The following TTC3 variants were observed in gnomAD, a reference collection of about 807,000 sequenced individuals.
The protein encoded by TTC3 is tetratricopeptide repeat domain 3.
In TTC3, 180 loss-of-function variants were observed where a neutral mutation model predicts 249.6. That is an observed-to-expected ratio of 0.72 (90% CI 0.64 to 0.82). The LOEUF (loss-of-function observed/expected upper bound fraction) is 0.82, where lower values mean the gene tolerates loss of function less well. TTC3 is among the 40% of genes least tolerant of loss of function. TTC3 has a pLI of 0.00. For synonymous variants in TTC3, 717 were observed against 805.0 expected (o/e 0.89, Z 1.85); for missense variants, 2,061 against 2,398.4 (o/e 0.86, Z 2.94).
intron 27 of TTC3, among the ~76,000 whole-genome samples, chr21:37,155,472 T>A (rs1028426330): frequency 6.6e-5 from 10 of 152,216 alleles, no homozygotes; most frequent in African/African-American, 1.2e-4. Flanking sequence ...TGTGTGAGTA[T>A]TCTACATGGT....
At chr21:37,154,156 A>G in intron 27 of TTC3, among the ~76,000 whole-genome samples, 1 of 152,246 alleles carries the variant, frequency 6.6e-6, no homozygotes, top group East Asian at 1.9e-4. Context: ...CAACTGGCCT[A>G]GCACAATAGT....
intron 44 of TTC3, among the ~76,000 whole-genome samples, chr21:37,199,439 G>A (rs140611423): frequency 0.01 from 1,560 of 152,304 alleles, 15 homozygotes; most frequent in East Asian, 0.03. Context: ...AGTCCCAGGC[G>A]ACACTCAGGT....
intron 7 of TTC3, 91 bp downstream of exon 7, chr21:37,091,504 C>T (rs2073257725): frequency 8.6e-7 from 1 of 1,164,390 alleles, no homozygotes; most frequent in Middle Eastern, 2.1e-4. Context: ...TCTGATTTAT[C>T]TTAGAATTTA....
rs541779892 is a variant in TTC3 at position 37,123,994 on chromosome 21, T to C, written c.1110-625T>C. Among the ~76,000 whole-genome samples, 223 of 151,796 alleles carry C rather than the reference T, an allele frequency of 1.5e-3. 2 individuals are homozygous for C. The highest frequency in any genetic ancestry group is 4.9e-3 in the African/African-American group (204 of 41,386). ...AAACTCCTGACCTCAAGTGATCCGC[T>C]CGCCTTGGCCTCCCAAAGTGCTGAG... is the stretch of plus-strand genomic sequence containing the variant. On this transcript the variant is annotated intron_variant, in intron 13 of 45. Coordinates refer to ENST00000355666, the Ensembl canonical transcript of TTC3.
At chr21:37,134,124 G>A (rs528178294) in intron 17 of TTC3, among the ~76,000 whole-genome samples, 2 of 151,948 alleles carry the variant, frequency 1.3e-5, no homozygotes, top group Non-Finnish European at 2.9e-5. Flanking sequence ...CATATTCTGG[G>A]GAGCGTTCTG....
intron 25 of TTC3, 79 bp downstream of exon 25, chr21:37,150,963 A>G (rs1487216711): frequency 4.5e-6 from 5 of 1,115,590 alleles, no homozygotes; most frequent in South Asian, 1.4e-5. Context: ...TTTCTAAATT[A>G]TGCCTTTTTA....
chr21:37,182,956 AT>A (rs773189174), intron 36 of TTC3, 43 bp downstream of exon 36: 9 of 1,443,248 alleles, frequency 6.2e-6, no homozygotes, highest in Admixed American at 5.4e-5. Context: ...TTAAAAAAAA[AT>A]ATTGTGGCTT....
chr21:37,147,618 T>G lies in TTC3; in HGVS notation c.2016+15T>G. The G allele has an allele frequency of 6.3e-7, 1 of 1,578,066 alleles. No individual in the cohort carries two copies. Among genetic ancestry groups the G allele is most frequent in the East Asian group, 2.4e-5 (1 of 42,244 alleles). On this transcript the variant is annotated intron_variant, in intron 22 of 45. Coordinates refer to ENST00000355666, the Ensembl canonical transcript of TTC3. ...CAGACTTTAAGGTAAATAATGAGTG[T>G]ACAGTGGGACATTAACTTGCAAAAT...
Position 37,088,349 on chromosome 21 carries a change from A to T in TTC3, c.338+3A>T, listed in dbSNP as rs1485825123. 1 of 1,610,450 alleles carries T rather than the reference A, an allele frequency of 6.2e-7. No homozygotes were observed. Among genetic ancestry groups the T allele is most frequent in the East Asian group, 2.2e-5 (1 of 44,818 alleles). On this transcript the variant is annotated splice_donor_region_variant and intron_variant, in intron 4 of 45. Coordinates refer to ENST00000355666, the Ensembl canonical transcript of TTC3. The stretch of plus-strand genomic sequence containing the variant: ...TTGCATCCCTGTGTGGACGCCAAGT[A>T]AGTTACTATATGTTGCTCATTTTGT...
rs184862532 is a variant in TTC3 at position 37,179,497 on chromosome 21, T to C, written c.4618-3277T>C. On this transcript the variant is annotated intron_variant, in intron 35 of 45. Coordinates refer to ENST00000355666, the Ensembl canonical transcript of TTC3. ...CTAAGTCCAATTTCTCTTATTCTTT[T>C]GTTACTTGTGCCTTTGGTGTCATAG... Among the ~76,000 whole-genome samples the C allele has an allele frequency of 1.5e-3, 224 of 152,338 alleles. 2 individuals are homozygous for C. Among genetic ancestry groups the C allele is most frequent in the African/African-American group, 4.9e-3 (205 of 41,584 alleles).
At chr21:37,096,821 G>T in intron 10 of TTC3, 178 bp downstream of exon 10, 2 of 528,130 alleles carry the variant, frequency 3.8e-6, no homozygotes, top group Non-Finnish European at 6.7e-6. Flanking sequence ...GACAGCAGCA[G>T]CTATTCTGAT....
intron 7 of TTC3, among the ~76,000 whole-genome samples, chr21:37,092,579 G>A (rs1294751730): frequency 6.6e-6 from 1 of 152,186 alleles, no homozygotes; most frequent in African/African-American, 2.4e-5. Context: ...TGTTGTTTCT[G>A]CAGTATAGTA....
intron 34 of TTC3, among the ~76,000 whole-genome samples, chr21:37,168,876 C>T (rs960995414): frequency 2.6e-5 from 4 of 152,122 alleles, no homozygotes; most frequent in Admixed American, 6.5e-5. Flanking sequence ...TGGTCATCTG[C>T]GGGAGTAACT....
At chr21:37,175,263 C>CA (rs58424565) in intron 35 of TTC3, among the ~76,000 whole-genome samples, 635 of 52,574 alleles carry the variant, frequency 0.012, 2 homozygotes, top group East Asian at 0.022. Context: ...GACTGTGTCT[C>CA]AAAAAAAAAA....
intron 13 of TTC3, among the ~76,000 whole-genome samples, chr21:37,123,266 GAA>G (rs1166313690): frequency 6.6e-6 from 1 of 152,180 alleles, no homozygotes; most frequent in South Asian, 2.1e-4. Flanking sequence ...AATCCTGTGG[GAA>G]AAGAGGGGTG....
chr21:37,091,247 A>T, intron 6 of TTC3, 46 bp from the exon 7 acceptor site: 2 of 1,580,196 alleles, frequency 1.3e-6, no homozygotes, highest in Non-Finnish European at 1.7e-6. Context: ...ATGCAAATTT[A>T]GAATTAATAA....
At chr21:37,104,836 C>G (rs1352013874) in intron 10 of TTC3, among the ~76,000 whole-genome samples, 1 of 152,200 alleles carries the variant, frequency 6.6e-6, no homozygotes, top group Admixed American at 6.5e-5. Flanking sequence ...CCCAGAGATT[C>G]TGATTCAATT....
chr21:37,157,907 C>A (rs373313921), intron 28 of TTC3, among the ~76,000 whole-genome samples: 1 of 152,090 alleles, frequency 6.6e-6, no homozygotes, highest in Admixed American at 6.6e-5. Flanking sequence ...TTATGATAAT[C>A]CCCAAGTCCC....
chr21:37,111,204 A>G (rs555760423), intron 11 of TTC3, among the ~76,000 whole-genome samples: 1 of 152,312 alleles, frequency 6.6e-6, no homozygotes, highest in African/African-American at 2.4e-5. Flanking sequence ...ATGCATAACA[A>G]TACTAACCTT....
Sources: allele counts gnomAD v4.1 joint callset (sites outside exome capture counted in the v4.1 genomes callset), GRCh38; gene constraint gnomAD v4.1.1; transcripts MANE v1.5; gene names NCBI Gene and HGNC (gene_info 2026-07-23, HGNC 2026-07-21).